CMC2: variants seen among roughly 807,000 people sequenced by gnomAD.
CMC2 encodes the protein COX assembly mitochondrial protein 2 homolog.
CMC2 carries 5 observed loss-of-function variants against 7.5 expected under a neutral mutation model. That is an observed-to-expected ratio of 0.66 (90% CI 0.35 to 1.40). CMC2 has a LOEUF of 1.40. Among genes scored for constraint, CMC2 ranks in the 40% most tolerant of loss-of-function variants. The pLI, the probability that CMC2 is intolerant of heterozygous loss-of-function variation, is 0.04. For synonymous variants in CMC2, 37 were observed against 31.4 expected (o/e 1.18, Z -0.60); for missense variants, 115 against 92.3 (o/e 1.25, Z -1.01).
chr16:81,004,869 C>G (rs958825283), intron 1 of CMC2, among the ~76,000 whole-genome samples: 1 of 152,214 alleles, frequency 6.6e-6, no homozygotes, highest in Non-Finnish European at 1.5e-5. Context: ...TGTATTAACT[C>G]TAGTATAAAG....
At chr16:80,978,482 AGAAT>A (rs1162105786) in intron 3 of CMC2, 1 of 825,756 alleles carries the variant, frequency 1.2e-6, no homozygotes, top group Non-Finnish European at 1.7e-6. Context: ...CAATACAGAC[AGAAT>A]GAAAGGCCAA....
intron 3 of CMC2, among the ~76,000 whole-genome samples, chr16:80,977,187 A>G (rs1045986162): frequency 2.6e-5 from 4 of 152,152 alleles, no homozygotes; most frequent in Non-Finnish European, 4.4e-5. Context: ...CTCAAATCCT[A>G]TGTTTCTTAA....
intron 2 of CMC2, among the ~76,000 whole-genome samples, chr16:80,996,111 G>A (rs1182063179): frequency 6.6e-6 from 1 of 151,932 alleles, no homozygotes; most frequent in Admixed American, 6.6e-5. Flanking sequence ...TTAAAAGCAA[G>A]GGTTGAAAAA....
chr16:81,005,111 C>A (rs892196773), intron 1 of CMC2, among the ~76,000 whole-genome samples: 1 of 152,174 alleles, frequency 6.6e-6, no homozygotes, highest in African/African-American at 2.4e-5. Flanking sequence ...GAAAAAAAAA[C>A]TGTAAACACT....
At chr16:81,000,701 A>T (rs760010331) in intron 1 of CMC2, among the ~76,000 whole-genome samples, 2 of 152,194 alleles carry the variant, frequency 1.3e-5, no homozygotes, top group Non-Finnish European at 2.9e-5. Flanking sequence ...AAAAACACAG[A>T]TGCTGGGGGA....
rs1911728766 is a variant in CMC2, at chr16:80,968,871, A to G, written c.*7222T>C. 6.6e-6 allele frequency: 1 copy of G among 152,242 alleles called. No individual in the cohort carries two copies. Among genetic ancestry groups the G allele is most frequent in the Non-Finnish European group, 1.5e-5 (1 of 68,056 alleles). 9.4% of individuals were successfully genotyped at this position (152,242 alleles called of 1,614,324 possible). A position where few individuals can be genotyped will look rare whatever the true frequency, so the allele number is the denominator to read the frequency against. On this transcript the variant is annotated 3_prime_UTR_variant, in exon 4 of 4. Transcript: ENST00000219400. ...ACCAGGAAGTGAGGTTTTCATAAAC[A>G]CAATGGAAAAAGATGGAAGATACTG... is the stretch of plus-strand genomic sequence containing the variant.
chr16:80,995,642 G>A (rs1480427782), intron 2 of CMC2, among the ~76,000 whole-genome samples: 1 of 152,222 alleles, frequency 6.6e-6, no homozygotes, highest in Non-Finnish European at 1.5e-5. Context: ...GGGTGACAGA[G>A]TGAGACTCCA....
At chr16:80,980,120 A>G (rs1018344302) in intron 3 of CMC2, among the ~76,000 whole-genome samples, 3 of 151,464 alleles carry the variant, frequency 2.0e-5, no homozygotes, top group Non-Finnish European at 4.4e-5. Context: ...GGGTCTCACT[A>G]TGTTGCCCAA....
In CMC2 at chr16:80,974,672, A is replaced by C. The variant is rs772142505; in HGVS notation, c.*1421T>G. On this transcript the variant is annotated 3_prime_UTR_variant, in exon 4 of 4. Coordinates refer to ENST00000219400, the MANE Select transcript of CMC2 (RefSeq NM_020188.5). Reference sequence around the variant, plus strand: ...CCTCTGTCTTCTATGACATCTACCTAATCATGGCACTTTGATGATTACAGG... The same window carrying C: ...CCTCTGTCTTCTATGACATCTACCTCATCATGGCACTTTGATGATTACAGG... 2 of 152,216 alleles carry C rather than the reference A, an allele frequency of 1.3e-5. No individual in the cohort carries two copies. The highest frequency in any genetic ancestry group is 2.4e-5 in the African/African-American group (1 of 41,448). 9.4% of individuals were successfully genotyped at this position (152,216 alleles called of 1,614,324 possible). A position where few individuals can be genotyped will look rare whatever the true frequency, so the allele number is the denominator to read the frequency against.
At chr16:80,992,717 T>TG (rs532289641) in intron 2 of CMC2, among the ~76,000 whole-genome samples, 1,876 of 26,776 alleles carry the variant, frequency 0.07, 17 homozygotes, top group Middle Eastern at 0.27. Context: ...TTTTTTTTTT[T>TG]TTTTTGTGTA....
chr16:80,966,685 T>C lies in CMC2; in HGVS notation c.*9408A>G. Reference sequence around the variant, plus strand: ...TTCTGGAGATGTAAAGTCAAAATATTGTATTTGAACAACACTTATAATCAT... The same window carrying C: ...TTCTGGAGATGTAAAGTCAAAATATCGTATTTGAACAACACTTATAATCAT... On this transcript the variant is annotated 3_prime_UTR_variant, in exon 4 of 4. Transcript: ENST00000219400. 6.6e-6 allele frequency: 1 copy of C among 152,236 alleles called. No homozygotes were observed. The highest frequency in any genetic ancestry group is 1.9e-4 in the East Asian group (1 of 5,204). 9.4% of individuals were successfully genotyped at this position (152,236 alleles called of 1,614,324 possible).
rs1435533293 is a variant in CMC2 at position 80,969,333 on chromosome 16, A to G, written c.*6760T>C. The G allele has an allele frequency of 1.3e-5, 2 of 152,438 alleles. No individual in the cohort carries two copies. Among genetic ancestry groups the G allele is most frequent in the Non-Finnish European group, 2.9e-5 (2 of 68,204 alleles). The allele number at this position is 152,438 out of a possible 1,614,324, so 9.4% of individuals were successfully genotyped here. The stretch of plus-strand genomic sequence containing the variant: ...CAGGGAGGCACAAGGTACCTGAACC[A>G]ACTAAGGACCGAAGAACCCAAAACA... On this transcript the variant is annotated 3_prime_UTR_variant, in exon 4 of 4. Coordinates refer to ENST00000219400, the MANE Select transcript of CMC2 (RefSeq NM_020188.5).
chr16:80,992,586 CTAAT>C (rs1260089639), intron 2 of CMC2, among the ~76,000 whole-genome samples: 1 of 151,846 alleles, frequency 6.6e-6, no homozygotes, highest in Non-Finnish European at 1.5e-5. Context: ...TTGTATTTCT[CTAAT>C]TATTGAGGTT....
chr16:80,985,681 G>A (rs376160856), intron 2 of CMC2, among the ~76,000 whole-genome samples: 1 of 151,946 alleles, frequency 6.6e-6, no homozygotes, highest in African/African-American at 2.4e-5. Flanking sequence ...CCACGAAGGA[G>A]AAAAGCTGTT....
chr16:80,981,685 TA>T, intron 3 of CMC2, 120 bp downstream of exon 3: 1 of 619,692 alleles, frequency 1.6e-6, no homozygotes. Flanking sequence ...TTCATACATG[TA>T]AAGTCAATTT....
At chr16:80,996,219 G>C (rs1331446644) in intron 2 of CMC2, among the ~76,000 whole-genome samples, 1 of 152,006 alleles carries the variant, frequency 6.6e-6, no homozygotes, top group Non-Finnish European at 1.5e-5. Context: ...AAATCTAAAG[G>C]GCTATACTGG....
chr16:80,994,889 T>C (rs751457578), intron 2 of CMC2, among the ~76,000 whole-genome samples: 2 of 152,184 alleles, frequency 1.3e-5, no homozygotes, highest in Non-Finnish European at 2.9e-5. Context: ...CTCATGCCTG[T>C]AATCCCAGCA....
At chr16:81,001,934 T>C (rs1968897318) in intron 1 of CMC2, among the ~76,000 whole-genome samples, 1 of 151,948 alleles carries the variant, frequency 6.6e-6, no homozygotes, top group Admixed American at 6.6e-5. Flanking sequence ...AAAAAGAAAA[T>C]GCAGCCAAGT....
At chr16:80,979,543 A>G (rs1966951805) in intron 3 of CMC2, among the ~76,000 whole-genome samples, 1 of 151,602 alleles carries the variant, frequency 6.6e-6, no homozygotes, top group African/African-American at 2.4e-5. Context: ...TGTAAAAAAC[A>G]AATAGCCATA....
Sources: allele counts gnomAD v4.1 joint callset (sites outside exome capture counted in the v4.1 genomes callset), GRCh38; gene constraint gnomAD v4.1.1; transcripts MANE v1.5; gene names NCBI Gene and HGNC (gene_info 2026-07-23, HGNC 2026-07-21).